Variants in CFAP77 observed in about 807,000 individuals in gnomAD.
CFAP77 encodes cilia and flagella associated protein 77.
Under a neutral mutation model 31.1 loss-of-function variants are expected in CFAP77, and 25 were observed. The ratio of observed to expected loss-of-function variants is 0.80; its 90% confidence interval spans 0.59 to 1.12. The LOEUF is 1.12. CFAP77 is among the 50% of genes most tolerant of loss of function. The probability of loss-of-function intolerance (pLI) is 0.00; values close to 1 mark genes in which losing one functional copy is unlikely to be tolerated. For synonymous variants in CFAP77, 151 were observed against 159.9 expected (o/e 0.94, Z 0.42); for missense variants, 377 against 397.3 (o/e 0.95, Z 0.44).
In CFAP77 at chr9:132,564,996, G is replaced by T. The variant is rs944434359; in HGVS notation, c.733-7392G>T. 1.3e-5 allele frequency among the ~76,000 whole-genome samples: 2 copies of T among 152,098 alleles called. No individual in the cohort carries two copies. Among genetic ancestry groups the T allele is most frequent in the Non-Finnish European group, 2.9e-5 (2 of 68,016 alleles). On this transcript the variant is annotated intron_variant, in intron 5 of 5. Coordinates refer to ENST00000393216, the MANE Select transcript of CFAP77 (RefSeq NM_001282957.2). The surrounding 1 kb of genome is among the most constrained non-coding windows in gnomAD (Gnocchi z 4.6). Reference sequence around the variant, plus strand: ...CTTGGGTTTTCCATCTGTAGTATGGGAGAGTTAGATTCGATATCACTAAGG... The same window carrying T: ...CTTGGGTTTTCCATCTGTAGTATGGTAGAGTTAGATTCGATATCACTAAGG...
intron 3 of CFAP77, among the ~76,000 whole-genome samples, chr9:132,518,432 A>G (rs925485998): frequency 1.3e-5 from 2 of 152,076 alleles, no homozygotes; most frequent in African/African-American, 4.8e-5. Flanking sequence ...CCGGATTCGG[A>G]TCCTGGCTCT....
At chr9:132,463,143 G>A (rs1197564584) in intron 1 of CFAP77, among the ~76,000 whole-genome samples, 1 of 152,182 alleles carries the variant, frequency 6.6e-6, no homozygotes, top group Admixed American at 6.5e-5. Flanking sequence ...GATGGAAGGT[G>A]GCCACTCTCA....
intron 3 of CFAP77, among the ~76,000 whole-genome samples, chr9:132,518,372 C>T (rs573147688): frequency 6.6e-6 from 1 of 152,284 alleles, no homozygotes; most frequent in East Asian, 1.9e-4. Flanking sequence ...TGGAGCCGCT[C>T]AGCACACAGC....
At chr9:132,451,191 A>C (rs192303479) in intron 1 of CFAP77, among the ~76,000 whole-genome samples, 3 of 152,216 alleles carry the variant, frequency 2.0e-5, no homozygotes, top group Admixed American at 2.0e-4. Flanking sequence ...ACAAAAAATT[A>C]GCCGGGCATG....
intron 3 of CFAP77, among the ~76,000 whole-genome samples, chr9:132,505,912 G>T (rs1703312820): frequency 2.0e-5 from 3 of 152,212 alleles, no homozygotes; most frequent in African/African-American, 7.2e-5. Flanking sequence ...TCTGATAACA[G>T]TATGAGCCAC....
At chr9:132,510,490 C>T (rs2118992138) in intron 3 of CFAP77, among the ~76,000 whole-genome samples, 1 of 152,332 alleles carries the variant, frequency 6.6e-6, no homozygotes, top group South Asian at 2.1e-4. Context: ...CTGCTGTGAG[C>T]CAGCCGGCAC....
chr9:132,479,492 C>T (rs1175138140), intron 1 of CFAP77, among the ~76,000 whole-genome samples: 1 of 152,208 alleles, frequency 6.6e-6, no homozygotes, highest in African/African-American at 2.4e-5. Flanking sequence ...CCAAGGTCCT[C>T]CTTGTGGCGT....
At chr9:132,561,604 T>TACACAC (rs61039438) in intron 5 of CFAP77, among the ~76,000 whole-genome samples, 200 of 111,568 alleles carry the variant, frequency 1.8e-3, no homozygotes, top group Middle Eastern at 4.5e-3. Flanking sequence ...GAGGTGCATG[T>TACACAC]ACACACACAC....
intron 1 of CFAP77, among the ~76,000 whole-genome samples, chr9:132,436,185 G>T (rs1467991082): frequency 6.6e-6 from 1 of 152,196 alleles, no homozygotes; most frequent in Non-Finnish European, 1.5e-5. Context: ...CCTGGGCCAA[G>T]CTCTCTCCAA....
chr9:132,494,523 A>T (rs1851707772), intron 1 of CFAP77, among the ~76,000 whole-genome samples: 1 of 152,218 alleles, frequency 6.6e-6, no homozygotes, highest in African/African-American at 2.4e-5. Context: ...GCAGTTGGCT[A>T]TCATGAATTG....
At chr9:132,444,405 G>A (rs925160612) in intron 1 of CFAP77, among the ~76,000 whole-genome samples, 21 of 152,234 alleles carry the variant, frequency 1.4e-4, no homozygotes, top group Non-Finnish European at 2.9e-5. Flanking sequence ...TTATGGGCTG[G>A]ATCCATGCCA....
chr9:132,410,353 G>C lies in CFAP77; in HGVS notation c.82G>C (p.Val28Leu), dbSNP rs577966896. ...QQPVRRTVSQ[V>L]CPPPRRPLTV... ...GCCTGTGCGCCGCACGGTCAGCCAG[G>C]TCTGCCCGCCCCCGCGGCGGCCCCT... Residue 28 changes from valine to leucine, a missense_variant, in exon 1 of 6, where the codon GTC (valine) becomes CTC (leucine). By Grantham distance (32) the Val-to-Leu change is conservative. Transcript: ENST00000393216. 7 of 1,598,212 alleles carry C rather than the reference G, an allele frequency of 4.4e-6. No individual in the cohort carries two copies. The African/African-American group carries it at 8.2e-5, about 19-fold the overall frequency.
At chr9:132,444,788 T>C (rs1325790944) in intron 1 of CFAP77, among the ~76,000 whole-genome samples, 1 of 152,320 alleles carries the variant, frequency 6.6e-6, no homozygotes, top group East Asian at 1.9e-4. Context: ...CTTACCCATT[T>C]TTAATTGTAG....
At chr9:132,561,316 AT>A (rs111926783) in intron 5 of CFAP77, among the ~76,000 whole-genome samples, 5,107 of 143,826 alleles carry the variant, frequency 0.036, 96 homozygotes, top group Middle Eastern at 0.089. Context: ...GCCTGTCATT[AT>A]TTTTTTTTTT....
chr9:132,572,369 T>G lies in CFAP77; in HGVS notation c.733-19T>G, dbSNP rs115120198. ...CTGAAGTCTCCCCTCACCCACCCAC[T>G]CTTCCCTTCTATCCACAGGTGGGCC... is the stretch of plus-strand genomic sequence containing the variant. On this transcript the variant is annotated intron_variant, in intron 5 of 5. Transcript: ENST00000393216. 2,205 of 1,611,002 alleles carry G rather than the reference T, an allele frequency of 1.4e-3. 24 individuals carry two copies. The African/African-American group carries it at 0.022, about 16-fold the overall frequency.
In CFAP77 at chr9:132,552,260, G is replaced by C. The variant is rs1852834818; in HGVS notation, c.732+9213G>C. ...GACCAAGTGCAATCATGCGTGTGAA[G>C]CGCGTGGCACAGGCCTGGCTAGGGG... is the stretch of plus-strand genomic sequence containing the variant. On this transcript the variant is annotated intron_variant, in intron 5 of 5. Transcript: ENST00000393216. This position sits in a 1 kb window ranked among gnomAD's most constrained non-coding sequence, Gnocchi z 5.5. Among the ~76,000 whole-genome samples, 1 of 152,238 alleles carries C rather than the reference G, an allele frequency of 6.6e-6. No individual in the cohort carries two copies. Among genetic ancestry groups the C allele is most frequent in the African/African-American group, 2.4e-5 (1 of 41,462 alleles).
chr9:132,531,601 T>C (rs1365405169), intron 3 of CFAP77, among the ~76,000 whole-genome samples: 1 of 127,532 alleles, frequency 7.8e-6, no homozygotes, highest in Non-Finnish European at 1.6e-5. Context: ...GCCCGGGCAA[T>C]GAGTCTGGGC....
In CFAP77 at chr9:132,501,713, C is replaced by G. The variant is rs1014048262; in HGVS notation, c.524+2113C>G. 1.3e-5 allele frequency among the ~76,000 whole-genome samples: 2 copies of G among 152,176 alleles called. No homozygotes were observed. Among genetic ancestry groups the G allele is most frequent in the African/African-American group, 4.8e-5 (2 of 41,444 alleles). On this transcript the variant is annotated intron_variant, in intron 3 of 5. Transcript: ENST00000393216. This position sits in a 1 kb window ranked among gnomAD's most constrained non-coding sequence, Gnocchi z 4.6. ...CCACTGCGCCCGGTTACATGACTAT[C>G]TTCTACTCAGCCACTGTGGTCAGGG...
chr9:132,487,117 C>A (rs995034763), intron 1 of CFAP77, among the ~76,000 whole-genome samples: 10 of 152,234 alleles, frequency 6.6e-5, no homozygotes, highest in African/African-American at 2.2e-4. Context: ...CTATAGCAGT[C>A]TTAACAATAA....
Sources: gnomAD v4.1 joint callset for allele counts (sites outside exome capture counted in the v4.1 genomes callset) on GRCh38, gnomAD v4.1.1 for gene constraint, Gnocchi (gnomAD v3.1) non-coding constraint, MANE v1.5 for transcripts, NCBI Gene and HGNC (gene_info 2026-07-23, HGNC 2026-07-21) for gene names.